Variants in GABRB2 observed in about 807,000 individuals in gnomAD.
The protein encoded by GABRB2 is gamma-aminobutyric acid type A receptor subunit beta2.
Under a neutral mutation model 54.7 loss-of-function variants are expected in GABRB2, and 16 were observed. The ratio of observed to expected loss-of-function variants is 0.29; its 90% confidence interval spans 0.20 to 0.44. The LOEUF is 0.44. Ranked by LOEUF, GABRB2 falls within the 20% of genes least tolerant of loss-of-function variation. GABRB2 has a pLI of 1.00. For synonymous variants in GABRB2, 244 were observed against 233.8 expected (o/e 1.04, Z -0.40); for missense variants, 355 against 644.0 (o/e 0.55, Z 4.86).
At chr5:161,457,621 A>C (rs1757996926) in intron 4 of GABRB2, among the ~76,000 whole-genome samples, 1 of 151,706 alleles carries the variant, frequency 6.6e-6, no homozygotes, top group South Asian at 2.1e-4. Context: ...AATTTTTTTT[A>C]ATTTTTAGTA....
intron 4 of GABRB2, among the ~76,000 whole-genome samples, chr5:161,455,457 T>A (rs1373128263): frequency 6.6e-6 from 1 of 151,940 alleles, no homozygotes; most frequent in Non-Finnish European, 1.5e-5. Flanking sequence ...ACCTTTTAAA[T>A]GTTGAGTGGT....
intron 4 of GABRB2, among the ~76,000 whole-genome samples, chr5:161,419,272 C>T (rs754820895): frequency 5.3e-5 from 8 of 152,140 alleles, no homozygotes; most frequent in Non-Finnish European, 1.2e-4. Flanking sequence ...CCATCTCATC[C>T]CAGTCGGAAT....
chr5:161,421,050 T>C (rs968090035), intron 4 of GABRB2, among the ~76,000 whole-genome samples: 1 of 152,156 alleles, frequency 6.6e-6, no homozygotes, highest in African/African-American at 2.4e-5. Context: ...CCCTCACCAT[T>C]GGCCACTGCC....
chr5:161,537,861 C>T (rs1273717126), intron 3 of GABRB2, among the ~76,000 whole-genome samples: 3 of 152,088 alleles, frequency 2.0e-5, no homozygotes. Context: ...TTCCTCACTC[C>T]CACTCCAGTC....
At chr5:161,327,902 A>T (rs1021610982) in intron 8 of GABRB2, among the ~76,000 whole-genome samples, 1 of 152,168 alleles carries the variant, frequency 6.6e-6, no homozygotes, top group African/African-American at 2.4e-5. Flanking sequence ...GACATTCTTG[A>T]TAAGAAATGG....
chr5:161,315,771 A>G (rs1758010780), intron 9 of GABRB2, among the ~76,000 whole-genome samples: 1 of 152,218 alleles, frequency 6.6e-6, no homozygotes, highest in Admixed American at 6.5e-5. Context: ...TCAAACATGT[A>G]TCATTTCCTT....
In GABRB2 at chr5:161,288,436, TTTTTA is replaced by T. The variant is rs1188767511; in HGVS notation, c.*5640_*5644del. The T allele has an allele frequency of 6.6e-6, 1 of 152,626 alleles. No homozygotes were observed. Among genetic ancestry groups the T allele is most frequent in the Non-Finnish European group, 1.5e-5 (1 of 68,042 alleles). 9.5% of individuals were successfully genotyped at this position (152,626 alleles called of 1,614,324 possible). On this transcript the variant is annotated 3_prime_UTR_variant, in exon 10 of 10. Coordinates refer to ENST00000393959, the MANE Select transcript of GABRB2 (RefSeq NM_001371727.1). Reference sequence around the variant, plus strand: ...ACACAATGAAACCACACACACAATCTTTTTATTTTTATTTATATTTCTTAGTTCAA... The same window carrying T: ...ACACAATGAAACCACACACACAATCTTTTTTATTTATATTTCTTAGTTCAA...
intron 5 of GABRB2, among the ~76,000 whole-genome samples, chr5:161,396,239 C>A (rs1169909866): frequency 1.3e-5 from 2 of 152,160 alleles, no homozygotes; most frequent in African/African-American, 2.4e-5. Flanking sequence ...TAAACCCCAT[C>A]CATTCCTTCC....
chr5:161,476,140 C>A (rs1471297613), intron 3 of GABRB2, among the ~76,000 whole-genome samples: 1 of 151,810 alleles, frequency 6.6e-6, no homozygotes, highest in African/African-American at 2.4e-5. Flanking sequence ...TTTCTATAAA[C>A]TAACGATGAG....
intron 4 of GABRB2, among the ~76,000 whole-genome samples, chr5:161,423,553 G>GT (rs1756912460): frequency 6.6e-6 from 1 of 152,024 alleles, no homozygotes; most frequent in South Asian, 2.1e-4. Flanking sequence ...TATTGTAATT[G>GT]TTTTGGGGAG....
intron 4 of GABRB2, among the ~76,000 whole-genome samples, chr5:161,417,566 T>C (rs1756715575): frequency 6.6e-6 from 1 of 152,246 alleles, no homozygotes; most frequent in Non-Finnish European, 1.5e-5. Flanking sequence ...ATTTCTTATA[T>C]ACCAAATGAG....
intron 3 of GABRB2, among the ~76,000 whole-genome samples, chr5:161,529,747 A>T (rs575657661): frequency 1.3e-5 from 2 of 152,036 alleles, no homozygotes; most frequent in Non-Finnish European, 2.9e-5. Context: ...TCTCATTTTC[A>T]ATTGACCCTT....
intron 4 of GABRB2, among the ~76,000 whole-genome samples, chr5:161,456,876 C>G (rs1240930826): frequency 6.6e-6 from 1 of 152,092 alleles, no homozygotes; most frequent in Non-Finnish European, 1.5e-5. Context: ...GGGTAAGTAG[C>G]AGGAGGGGCA....
At chr5:161,456,882 G>T (rs543014882) in intron 4 of GABRB2, among the ~76,000 whole-genome samples, 1 of 152,040 alleles carries the variant, frequency 6.6e-6, no homozygotes, top group South Asian at 2.1e-4. Flanking sequence ...GTAGCAGGAG[G>T]GGCAAAGTAT....
At chr5:161,545,506 C>A (rs1760954658) in intron 2 of GABRB2, among the ~76,000 whole-genome samples, 1 of 150,866 alleles carries the variant, frequency 6.6e-6, no homozygotes. Context: ...TATGCACACA[C>A]GTATGCTGTG....
intron 3 of GABRB2, among the ~76,000 whole-genome samples, chr5:161,529,656 G>A (rs2113450964): frequency 6.6e-6 from 1 of 152,082 alleles, no homozygotes; most frequent in African/African-American, 2.4e-5. Flanking sequence ...TCAATAAATG[G>A]TAATAATTTT....
intron 4 of GABRB2, among the ~76,000 whole-genome samples, chr5:161,426,224 G>A (rs1285961993): frequency 2.0e-5 from 3 of 152,100 alleles, no homozygotes; most frequent in Admixed American, 6.6e-5. Context: ...TATGCAAAAG[G>A]TCCTTTTGAA....
intron 9 of GABRB2, among the ~76,000 whole-genome samples, chr5:161,318,195 T>C (rs1485194650): frequency 6.6e-6 from 1 of 151,936 alleles, no homozygotes; most frequent in Non-Finnish European, 1.5e-5. Context: ...ATAAGATTGG[T>C]AAGAGAGAGA....
chr5:161,303,632 G>A (rs252977), intron 9 of GABRB2, among the ~76,000 whole-genome samples: 14,939 of 152,136 alleles, frequency 0.098, 944 homozygotes, highest in Non-Finnish European at 0.14. Flanking sequence ...GATCCCAGAA[G>A]ATACAGTTAA....
Sources: allele counts gnomAD v4.1 joint callset (sites outside exome capture counted in the v4.1 genomes callset), GRCh38; gene constraint gnomAD v4.1.1; transcripts MANE v1.5; gene names NCBI Gene and HGNC (gene_info 2026-07-23, HGNC 2026-07-21).